Variants in BBS9 observed in about 807,000 individuals in gnomAD.
The protein encoded by BBS9 is protein PTHB1.
Under a neutral mutation model 117.7 loss-of-function variants are expected in BBS9, and 89 were observed. The observed-to-expected ratio is 0.76, with a 90% confidence interval of 0.64 to 0.90. The LOEUF is 0.90. BBS9 is among the 40% of genes least tolerant of loss of function. The pLI is 0.00. For synonymous variants in BBS9, 379 were observed against 370.9 expected (o/e 1.02, Z -0.25); for missense variants, 982 against 1,042.2 (o/e 0.94, Z 0.80).
Position 33,335,813 on chromosome 7 carries a change from G to A in BBS9, c.1017-628G>A, listed in dbSNP as rs952912256. ...GTGAAGAGAAAGAGAGAACAAACCA[G>A]AGGGCCACTTGAATAGGAGAGCGTG... On this transcript the variant is annotated intron_variant, in intron 9 of 22. Coordinates refer to ENST00000242067, the MANE Select transcript of BBS9 (RefSeq NM_198428.3). Among the ~76,000 whole-genome samples the A allele has an allele frequency of 2.0e-5, 3 of 152,302 alleles. No individual in the cohort carries two copies. The East Asian group carries it at 5.8e-4, about 29-fold the overall frequency.
intron 19 of BBS9, among the ~76,000 whole-genome samples, chr7:33,394,929 C>T (rs1827689436): frequency 6.6e-6 from 1 of 152,134 alleles, no homozygotes; most frequent in Non-Finnish European, 1.5e-5. Context: ...AAGAAACTTG[C>T]TCAGTGTTAC....
At chr7:33,219,057 C>A (rs920982801) in intron 5 of BBS9, among the ~76,000 whole-genome samples, 1 of 152,172 alleles carries the variant, frequency 6.6e-6, no homozygotes, top group African/African-American at 2.4e-5. Context: ...CTTGGCGGGC[C>A]CCGCACTCGG....
intron 21 of BBS9, among the ~76,000 whole-genome samples, chr7:33,596,359 T>TTATCTATCTATCTATCTATCTATC (rs140019958): frequency 4.8e-4 from 70 of 145,002 alleles, no homozygotes; most frequent in African/African-American, 1.5e-3. Context: ...TGATATATAA[T>TTATCTATCTATCTATCTATCTATC]TATCTATCTA....
At chr7:33,602,078 C>T (rs1480331526) in intron 21 of BBS9, among the ~76,000 whole-genome samples, 2 of 152,124 alleles carry the variant, frequency 1.3e-5, no homozygotes, top group Non-Finnish European at 2.9e-5. Context: ...AGAACACAAA[C>T]TCAGGGAAGG....
chr7:33,526,856 G>GT (rs1182534201), intron 20 of BBS9, among the ~76,000 whole-genome samples: 14 of 151,620 alleles, frequency 9.2e-5, no homozygotes, highest in Non-Finnish European at 1.6e-4. Flanking sequence ...TTTCTGTTCT[G>GT]TTTTTTCCCC....
chr7:33,317,881 G>A (rs927796930), intron 9 of BBS9, among the ~76,000 whole-genome samples: 9 of 152,042 alleles, frequency 5.9e-5, no homozygotes, highest in East Asian at 1.9e-4. Flanking sequence ...GCGAAACCCC[G>A]TCTAATAAAA....
chr7:33,302,350 A>T (rs1191066171), intron 9 of BBS9, among the ~76,000 whole-genome samples: 1 of 152,076 alleles, frequency 6.6e-6, no homozygotes, highest in Non-Finnish European at 1.5e-5. Context: ...GAAATCTTTG[A>T]GCAGTCTAAT....
chr7:33,336,356 T>C, intron 9 of BBS9, 85 bp from the exon 10 acceptor site: 1 of 967,376 alleles, frequency 1.0e-6, no homozygotes, highest in Non-Finnish European at 1.6e-6. Flanking sequence ...GGTGTGTTGA[T>C]GCTGAATTGA....
intron 18 of BBS9, among the ~76,000 whole-genome samples, chr7:33,387,709 T>G (rs952362778): frequency 2.0e-5 from 3 of 152,204 alleles, no homozygotes; most frequent in African/African-American, 4.8e-5. Context: ...GATTTCTATT[T>G]TTTCCCATGT....
intron 20 of BBS9, among the ~76,000 whole-genome samples, chr7:33,519,373 C>A (rs1383598631): frequency 6.6e-6 from 1 of 152,172 alleles, no homozygotes; most frequent in Non-Finnish European, 1.5e-5. Flanking sequence ...AGTAGCTGCT[C>A]CAAGTATTCT....
intron 10 of BBS9, among the ~76,000 whole-genome samples, 179 bp from the exon 11 acceptor site, chr7:33,340,718 T>C (rs1816338346): frequency 6.6e-6 from 1 of 152,156 alleles, no homozygotes; most frequent in Non-Finnish European, 1.5e-5. Context: ...TTTTTTACCA[T>C]ATTATAGAGG....
chr7:33,237,174 C>T (rs1460967332), intron 5 of BBS9, among the ~76,000 whole-genome samples: 1 of 152,100 alleles, frequency 6.6e-6, no homozygotes. Flanking sequence ...TAGTGAGCAA[C>T]CTTGCAGTTG....
At position 33,257,321 on chromosome 7, in the gene BBS9, T is replaced by A. The variant is rs757308943; in HGVS notation, c.528T>A (p.Pro176=). The change falls in exon 6 of 23, where the codon CCT becomes CCA. Residue 176 remains proline, a synonymous_variant. Transcript: ENST00000242067. Reference sequence around the variant, plus strand: ...GCTATGCTTTTGGAAGATTTCTCCCTGGCTTTCTTCTGCCTGGTCCTCTTG... The same window carrying A: ...GCTATGCTTTTGGAAGATTTCTCCCAGGCTTTCTTCTGCCTGGTCCTCTTG... ...QESYAFGRFL[P]GFLLPGPLAY... is the part of the protein sequence containing the mutation. 8 of 1,613,776 alleles carry A rather than the reference T, an allele frequency of 5.0e-6. No individual in the cohort carries two copies. The East Asian group carries it at 1.8e-4, about 36-fold the overall frequency.
At chr7:33,165,329 G>C (rs929863633) in intron 4 of BBS9, among the ~76,000 whole-genome samples, 2 of 152,128 alleles carry the variant, frequency 1.3e-5, no homozygotes, top group African/African-American at 4.8e-5. Flanking sequence ...TTCTTGAGGA[G>C]TGTCTTTGTG....
rs367807480 is a variant in BBS9 at position 33,521,505 on chromosome 7, A to G, written c.2299-12449A>G. On this transcript the variant is annotated intron_variant, in intron 20 of 22. Coordinates refer to ENST00000242067, the MANE Select transcript of BBS9 (RefSeq NM_198428.3). ...ATACGGAGAACTCCAAAAGTCCAAT[A>G]GATTGTTTCCATTTAAAATAAAAAG... 3.1e-3 allele frequency among the ~76,000 whole-genome samples: 473 copies of G among 152,320 alleles called. 2 individuals are homozygous for G. Among genetic ancestry groups the G allele is most frequent in the Non-Finnish European group, 4.6e-3 (315 of 68,030 alleles).
At chr7:33,478,326 C>T (rs925186095) in intron 19 of BBS9, among the ~76,000 whole-genome samples, 1 of 152,120 alleles carries the variant, frequency 6.6e-6, no homozygotes, top group Non-Finnish European at 1.5e-5. Flanking sequence ...GGTTATAAAC[C>T]TCTAAGCTAA....
intron 9 of BBS9, among the ~76,000 whole-genome samples, chr7:33,290,620 G>A (rs1024929487): frequency 1.9e-4 from 29 of 152,278 alleles, no homozygotes; most frequent in African/African-American, 6.7e-4. Context: ...TTTGCAGAAC[G>A]ATTTGGTCTT....
At chr7:33,274,994 CAAAAAAAA>C (rs763041758) in intron 9 of BBS9, among the ~76,000 whole-genome samples, 1 of 58,722 alleles carries the variant, frequency 1.7e-5, no homozygotes, top group East Asian at 5.6e-4. Context: ...GACTGTGTCT[CAAAAAAAA>C]AAAAAAAAAA....
At chr7:33,554,078 G>C (rs1239799697) in intron 21 of BBS9, among the ~76,000 whole-genome samples, 1 of 152,046 alleles carries the variant, frequency 6.6e-6, no homozygotes, top group Non-Finnish European at 1.5e-5. Flanking sequence ...AAGGCCGGGA[G>C]GGGAGAAAGG....
Sources: allele counts gnomAD v4.1 joint callset (sites outside exome capture counted in the v4.1 genomes callset), GRCh38; gene constraint gnomAD v4.1.1; transcripts MANE v1.5; gene names NCBI Gene and HGNC (gene_info 2026-07-23, HGNC 2026-07-21).